The following SNTG2 variants were observed in gnomAD, a reference collection of about 807,000 sequenced individuals.
SNTG2 encodes the protein syntrophin gamma 2, also known as gamma-2-syntrophin.
Under a neutral mutation model 70.9 loss-of-function variants are expected in SNTG2, and 74 were observed. The observed-to-expected ratio is 1.04, with a 90% CI of 0.86 to 1.27. The LOEUF (loss-of-function observed/expected upper bound fraction) is 1.27, where lower values mean the gene tolerates loss of function less well. Ranked by LOEUF, SNTG2 falls within the 50% of genes most tolerant of loss-of-function variation. The probability of loss-of-function intolerance (pLI) is 0.00; values close to 1 mark genes in which losing one functional copy is unlikely to be tolerated. For synonymous variants in SNTG2, 278 were observed against 273.8 expected (o/e 1.02, Z -0.15); for missense variants, 717 against 690.7 (o/e 1.04, Z -0.43).
At chr2:1,323,024 G>T (rs752837965) in intron 16 of SNTG2, among the ~76,000 whole-genome samples, 1 of 152,110 alleles carries the variant, frequency 6.6e-6, no homozygotes, top group African/African-American at 2.4e-5. Flanking sequence ...AATTAGACAT[G>T]ATCTACCCCA....
At chr2:969,231 T>A (rs1660662514) in intron 1 of SNTG2, among the ~76,000 whole-genome samples, 1 of 152,210 alleles carries the variant, frequency 6.6e-6, no homozygotes, top group African/African-American at 2.4e-5. Flanking sequence ...CTGTGTTTGT[T>A]TTTGTACCTG....
chr2:1,055,591 ATG>A (rs1260235967), intron 1 of SNTG2, among the ~76,000 whole-genome samples: 2 of 152,148 alleles, frequency 1.3e-5, no homozygotes, highest in African/African-American at 4.8e-5. Context: ...GATGCCAGAA[ATG>A]TTTTTATCAA....
rs185881191 is a variant in SNTG2 at position 1,273,117 on chromosome 2, C to T, written c.1284+5546C>T. On this transcript the variant is annotated intron_variant, in intron 14 of 16. Transcript: ENST00000308624. ...CCTGACGAGCACGCCCCTGCCTGCC[C>T]GCCTCGGGGAACGGGACCTCACTGA... is the stretch of plus-strand genomic sequence containing the variant. 2.4e-4 allele frequency among the ~76,000 whole-genome samples: 37 copies of T among 152,278 alleles called. No homozygotes were observed. The East Asian group carries it at 3.7e-3, about 15-fold the overall frequency.
intron 9 of SNTG2, among the ~76,000 whole-genome samples, chr2:1,226,329 T>C (rs1440011309): frequency 3.3e-5 from 5 of 152,228 alleles, no homozygotes; most frequent in Non-Finnish European, 7.3e-5. Flanking sequence ...TTGCTCAGAA[T>C]GTTCTCCATG....
intron 10 of SNTG2, 83 bp from the exon 11 acceptor site, chr2:1,239,655 G>A (rs1044594059): frequency 6.9e-7 from 1 of 1,443,260 alleles, no homozygotes; most frequent in Admixed American, 1.8e-5. Context: ...ACAGAGCGTG[G>A]CTGATGACTT....
intron 1 of SNTG2, among the ~76,000 whole-genome samples, chr2:1,016,466 C>T (rs1659894994): frequency 6.6e-6 from 1 of 152,194 alleles, no homozygotes; most frequent in South Asian, 2.1e-4. Context: ...GCCTCAAACT[C>T]CTGATCTCAG....
intron 4 of SNTG2, among the ~76,000 whole-genome samples, chr2:1,118,022 G>A (rs1443347897): frequency 1.3e-5 from 2 of 151,490 alleles, no homozygotes; most frequent in Non-Finnish European, 2.9e-5. Context: ...GTCAGAACCA[G>A]AGCTAAAACC....
In SNTG2 at chr2:1,277,942, C is replaced by T. The variant is rs573648289; in HGVS notation, c.1284+10371C>T. Among the ~76,000 whole-genome samples, 19 of 152,318 alleles carry T rather than the reference C, an allele frequency of 1.2e-4. No homozygotes were observed. The South Asian group carries it at 3.9e-3, about 32-fold the overall frequency. On this transcript the variant is annotated intron_variant, in intron 14 of 16. Transcript: ENST00000308624. ...GGGGTTTCCATCCTCTCTGGAAAGG[C>T]GGGGAAGATAACGCTTTTCTGGTTT...
chr2:986,201 T>C (rs141030631), intron 1 of SNTG2, among the ~76,000 whole-genome samples: 1 of 151,952 alleles, frequency 6.6e-6, no homozygotes, highest in East Asian at 2.0e-4. Context: ...GGCAGCTCAT[T>C]TGGGGACATG....
chr2:1,352,534 G>A (rs973790699), intron 16 of SNTG2, among the ~76,000 whole-genome samples: 1 of 152,230 alleles, frequency 6.6e-6, no homozygotes, highest in Non-Finnish European at 1.5e-5. Context: ...GTAGGTCAGG[G>A]TGGAGCCTGA....
At chr2:1,080,725 A>ATGTGTGTTGCATGTGGG (rs1304737966) in intron 1 of SNTG2, among the ~76,000 whole-genome samples, 2 of 151,886 alleles carry the variant, frequency 1.3e-5, no homozygotes, top group Non-Finnish European at 2.9e-5. Context: ...CATGTGGGCC[A>ATGTGTGTTGCATGTGGG]TGTGTGTTGC....
At chr2:1,228,034 G>A (rs532699197) in intron 9 of SNTG2, among the ~76,000 whole-genome samples, 1 of 152,262 alleles carries the variant, frequency 6.6e-6, no homozygotes, top group Admixed American at 6.5e-5. Context: ...GCCTTTCTGC[G>A]ACTCAAGGCT....
At chr2:1,265,074 C>T (rs1244114935) in intron 13 of SNTG2, among the ~76,000 whole-genome samples, 1 of 152,164 alleles carries the variant, frequency 6.6e-6, no homozygotes, top group Non-Finnish European at 1.5e-5. Flanking sequence ...TATAATGAGC[C>T]ATTCAATGGG....
intron 1 of SNTG2, among the ~76,000 whole-genome samples, chr2:979,244 A>G (rs867548886): frequency 2.6e-5 from 4 of 152,192 alleles, no homozygotes; most frequent in African/African-American, 9.7e-5. Flanking sequence ...AAATACATCT[A>G]TAGTGGCTGC....
intron 8 of SNTG2, among the ~76,000 whole-genome samples, chr2:1,205,115 A>G (rs1673549379): frequency 6.6e-6 from 1 of 152,138 alleles, no homozygotes; most frequent in Non-Finnish European, 1.5e-5. Flanking sequence ...TTGTATTTCT[A>G]TGATAATCAG....
At chr2:1,300,317 G>T (rs772914365) in intron 14 of SNTG2, among the ~76,000 whole-genome samples, 3 of 152,248 alleles carry the variant, frequency 2.0e-5, no homozygotes, top group Non-Finnish European at 4.4e-5. Context: ...ACTCTTGGCT[G>T]ATGGTCTTCG....
chr2:1,208,513 T>G (rs911554271), intron 8 of SNTG2, among the ~76,000 whole-genome samples: 1 of 152,174 alleles, frequency 6.6e-6, no homozygotes, highest in Non-Finnish European at 1.5e-5. Context: ...GTTGTTGGAC[T>G]CTTGCGGGGC....
intron 9 of SNTG2, among the ~76,000 whole-genome samples, chr2:1,228,636 G>A (rs886571491): frequency 6.6e-6 from 1 of 152,342 alleles, no homozygotes; most frequent in South Asian, 2.1e-4. Context: ...GGGTAAAAGC[G>A]CGGCCACGGC....
intron 14 of SNTG2, among the ~76,000 whole-genome samples, chr2:1,292,033 T>C (rs958121958): frequency 1.2e-4 from 19 of 152,206 alleles, no homozygotes; most frequent in Non-Finnish European, 2.4e-4. Flanking sequence ...TAGTTTTCAA[T>C]GTACAAGTCT....
Sources: allele counts gnomAD v4.1 joint callset (sites outside exome capture counted in the v4.1 genomes callset), GRCh38; gene constraint gnomAD v4.1.1; transcripts MANE v1.5; gene names NCBI Gene and HGNC (gene_info 2026-07-23, HGNC 2026-07-21).